Variants in MCPH1 observed in about 807,000 individuals in gnomAD.
MCPH1 encodes microcephalin 1.
In MCPH1, 104 loss-of-function variants were observed where a neutral mutation model predicts 84.5. The observed-to-expected ratio is 1.23, with a 90% CI of 1.05 to 1.45. The LOEUF is 1.45. Among genes scored for constraint, MCPH1 ranks in the 40% most tolerant of loss-of-function variants. The pLI is 0.00. For missense variants in MCPH1, 1,498 were observed against 1,005.7 expected (o/e 1.49, Z -6.62); for synonymous variants, 514 against 366.8 (o/e 1.40, Z -4.58).
intron 12 of MCPH1, among the ~76,000 whole-genome samples, chr8:6,507,337 A>T (rs371940390): frequency 6.6e-6 from 1 of 152,206 alleles, no homozygotes; most frequent in East Asian, 1.9e-4. Flanking sequence ...TAATTTTTGC[A>T]GATATGATTT....
chr8:6,545,228 G>T (rs922507559), intron 12 of MCPH1, among the ~76,000 whole-genome samples: 17 of 152,296 alleles, frequency 1.1e-4, no homozygotes, highest in African/African-American at 3.1e-4. Context: ...GCCTTCTGGA[G>T]TGCTGAAAAT....
intron 12 of MCPH1, among the ~76,000 whole-genome samples, chr8:6,516,850 G>C (rs1039110005): frequency 6.6e-6 from 1 of 152,102 alleles, no homozygotes; most frequent in East Asian, 1.9e-4. Context: ...CAGAGAACAA[G>C]TTTATCTTGT....
At chr8:6,502,846 C>G in intron 12 of MCPH1, 2 of 444,608 alleles carry the variant, frequency 4.5e-6, no homozygotes, top group East Asian at 3.8e-5. Context: ...GATTCTCAGC[C>G]TCGGGTTCAT....
At chr8:6,617,900 A>AATCTATCTAATCTATCTATCT (rs1830994557) in intron 12 of MCPH1, among the ~76,000 whole-genome samples, 1 of 143,014 alleles carries the variant, frequency 7.0e-6, no homozygotes, top group South Asian at 2.4e-4. Context: ...CTATCTATCT[A>AATCTATCTAATCTATCTATCT]ATCTATCTAT....
At chr8:6,593,489 G>A (rs552641533) in intron 12 of MCPH1, among the ~76,000 whole-genome samples, 178 of 152,256 alleles carry the variant, frequency 1.2e-3, no homozygotes, top group Non-Finnish European at 1.8e-3. Flanking sequence ...CAAGTAGCTG[G>A]AAATATAGGC....
intron 9 of MCPH1, among the ~76,000 whole-genome samples, chr8:6,467,454 G>T (rs887562112): frequency 1.3e-5 from 2 of 152,122 alleles, no homozygotes; most frequent in Admixed American, 6.5e-5. Context: ...GAATTTATAG[G>T]TTGTGTCTTT....
chr8:6,540,609 T>A (rs1821368700), intron 12 of MCPH1, among the ~76,000 whole-genome samples: 2 of 152,222 alleles, frequency 1.3e-5, no homozygotes, highest in Admixed American at 1.3e-4. Flanking sequence ...CGTCTGCATA[T>A]ATAGATATAT....
chr8:6,498,654 G>A (rs986553341), intron 11 of MCPH1, among the ~76,000 whole-genome samples: 1 of 152,190 alleles, frequency 6.6e-6, no homozygotes, highest in Non-Finnish European at 1.5e-5. Context: ...CATGGCTTCT[G>A]TCACTGGTAC....
intron 12 of MCPH1, among the ~76,000 whole-genome samples, chr8:6,504,127 G>C (rs1365159479): frequency 6.6e-6 from 1 of 151,844 alleles, no homozygotes; most frequent in Non-Finnish European, 1.5e-5. Flanking sequence ...GACCATCCTG[G>C]CTAACACGGT....
chr8:6,441,881 A>C (rs916151124), intron 6 of MCPH1, among the ~76,000 whole-genome samples, 186 bp from the exon 7 acceptor site: 3 of 152,220 alleles, frequency 2.0e-5, no homozygotes, highest in African/African-American at 7.2e-5. Context: ...ACAGACTGGA[A>C]ATGTTCACTT....
At chr8:6,554,692 T>G (rs1236606872) in intron 12 of MCPH1, among the ~76,000 whole-genome samples, 5 of 152,198 alleles carry the variant, frequency 3.3e-5, no homozygotes, top group Non-Finnish European at 7.3e-5. Context: ...ATGTGGAAAG[T>G]TGCTCAGAGG....
chr8:6,531,331 C>T (rs562169054), intron 12 of MCPH1, among the ~76,000 whole-genome samples: 2 of 151,240 alleles, frequency 1.3e-5, no homozygotes, highest in Non-Finnish European at 2.9e-5. Flanking sequence ...CTCTGTTGCC[C>T]AGGCTGGAGT....
intron 1 of MCPH1, among the ~76,000 whole-genome samples, chr8:6,407,336 C>G (rs1450537309): frequency 6.6e-6 from 1 of 152,080 alleles, no homozygotes; most frequent in Non-Finnish European, 1.5e-5. Flanking sequence ...TTTAACCGCT[C>G]TATCAACTCT....
intron 9 of MCPH1, among the ~76,000 whole-genome samples, chr8:6,463,977 ATATT>A (rs1162817702): frequency 1.3e-5 from 2 of 152,134 alleles, no homozygotes; most frequent in African/African-American, 4.8e-5. Flanking sequence ...AGGACAGGTG[ATATT>A]TATTTATTTT....
chr8:6,603,213 A>T (rs1829505219), intron 12 of MCPH1, among the ~76,000 whole-genome samples: 1 of 152,108 alleles, frequency 6.6e-6, no homozygotes, highest in Admixed American at 6.5e-5. Flanking sequence ...GCTCATAGGA[A>T]TGTGCTTATT....
intron 9 of MCPH1, among the ~76,000 whole-genome samples, chr8:6,463,375 TC>T (rs1806495956): frequency 6.6e-6 from 1 of 152,224 alleles, no homozygotes; most frequent in South Asian, 2.1e-4. Context: ...CTCACAGCTG[TC>T]ATTTATTGAG....
chr8:6,527,725 A>C (rs1446171498), intron 12 of MCPH1: 4 of 1,493,872 alleles, frequency 2.7e-6, no homozygotes, highest in Non-Finnish European at 3.6e-6. Context: ...TAATTAGTTT[A>C]ACTTTCTAAC....
Position 6,612,278 on chromosome 8 carries a change from A to G in MCPH1, c.2215-9176A>G, listed in dbSNP as rs554489312. 2.6e-5 allele frequency among the ~76,000 whole-genome samples: 4 copies of G among 151,342 alleles called. No individual in the cohort carries two copies. The South Asian group carries it at 8.5e-4, about 32-fold the overall frequency. ...TAATTTGGTGACTAGCTGCCCCATC[A>G]CATTCTGCCTATTTAAGCCAAGCCC... On this transcript the variant is annotated intron_variant, in intron 12 of 13. Transcript: ENST00000344683.
chr8:6,439,144 A>T, intron 6 of MCPH1, 48 bp downstream of exon 6: 1 of 1,565,610 alleles, frequency 6.4e-7, no homozygotes, highest in African/African-American at 1.4e-5. Flanking sequence ...AGCCGATTCA[A>T]TTATGGTGGA....
Sources: allele counts gnomAD v4.1 joint callset (sites outside exome capture counted in the v4.1 genomes callset), GRCh38; gene constraint gnomAD v4.1.1; transcripts MANE v1.5; gene names NCBI Gene and HGNC (gene_info 2026-07-23, HGNC 2026-07-21).